Variants in CES4A observed in about 807,000 individuals in gnomAD.
CES4A encodes the protein carboxylesterase 6.
A neutral mutation model predicts 65.4 loss-of-function variants in CES4A; 48 were observed. The observed-to-expected ratio is 0.73, with a 90% CI of 0.58 to 0.93. CES4A has a LOEUF of 0.93. Among genes scored for constraint, CES4A ranks in the 40% least tolerant of loss-of-function variants. The pLI is 0.00. For missense variants in CES4A, 685 were observed against 728.5 expected (o/e 0.94, Z 0.69); for synonymous variants, 247 against 281.8 (o/e 0.88, Z 1.24).
Position 67,000,980 on chromosome 16 carries a change from G to A in CES4A, c.526G>A (p.Gly176Ser). The A allele has an allele frequency of 6.2e-7, 1 of 1,612,816 alleles. No homozygotes were observed. Among genetic ancestry groups the A allele is most frequent in the Non-Finnish European group, 8.5e-7 (1 of 1,179,544 alleles). Residue 176 changes from glycine to serine, a missense_variant, in exon 4 of 14, where the codon GGC becomes AGC. Gly to Ser is a moderately conservative substitution (Grantham distance 56). Transcript: ENST00000648724. The surrounding 1 kb of genome is among the most constrained non-coding windows in gnomAD (Gnocchi z 4.2). ...TCTGCAGCACAGGCTCGGCATCTTCGGCTTCCTGAGGTGGCGGGGCCGGTA... is the reference window on the plus strand; with the variant it reads ...TCTGCAGCACAGGCTCGGCATCTTCAGCTTCCTGAGGTGGCGGGGCCGGTA...
rs1965525641 is a variant in CES4A at position 67,003,655 on chromosome 16, T to C, written c.939+102T>C. 3 of 919,600 alleles carry C rather than the reference T, an allele frequency of 3.3e-6. No individual in the cohort carries two copies. The highest frequency in any genetic ancestry group is 3.5e-5 in the Admixed American group (2 of 57,746). The allele number at this position is 919,600 out of a possible 1,614,324, so 57.0% of individuals were successfully genotyped here. A position where few individuals can be genotyped will look rare whatever the true frequency, so the allele number is the denominator to read the frequency against. On this transcript the variant is annotated intron_variant, in intron 8 of 13. Transcript: ENST00000648724. The surrounding 1 kb of genome is among the most constrained non-coding windows in gnomAD (Gnocchi z 4.2). ...ATTGTTCAGGCCAAGATCCCTTCCC[T>C]AGTGGAGCTGATGTTCCAGTGGGGA...
At chr16:67,006,941 G>T (rs2145669528) in intron 13 of CES4A, 124 bp downstream of exon 13, 2 of 818,070 alleles carry the variant, frequency 2.4e-6, no homozygotes, top group East Asian at 2.6e-5. Context: ...CCCAAACAGG[G>T]TGCCCCTTCT....
chr16:67,002,088 C>T (rs910367663), intron 5 of CES4A, among the ~76,000 whole-genome samples: 80 of 152,210 alleles, frequency 5.3e-4, no homozygotes, highest in African/African-American at 1.9e-3. Context: ...GTACTGTTGT[C>T]TCCATTCTAC....
Position 67,003,012 on chromosome 16 carries a change from A to G in CES4A, c.691-58A>G. 1.4e-6 allele frequency: 2 copies of G among 1,444,348 alleles called. No homozygotes were observed. The highest frequency in any genetic ancestry group is 1.9e-6 in the Non-Finnish European group (2 of 1,025,760). 89.5% of individuals were successfully genotyped at this position (1,444,348 alleles called of 1,614,324 possible). On this transcript the variant is annotated intron_variant, in intron 5 of 13. Coordinates refer to ENST00000648724, the Ensembl canonical transcript of CES4A. This position sits in a 1 kb window ranked among gnomAD's most constrained non-coding sequence, Gnocchi z 4.2. ...GCCCATGGCCAGACAGATGCCCAGA[A>G]CAGCCCAGGTGTCTCTACTTGGGCA...
At chr16:67,004,209 T>C (rs373435616) in exon 9 of CES4A, 23 of 1,614,054 alleles carry the variant, frequency 1.4e-5, no homozygotes, top group Middle Eastern at 1.6e-4. Flanking sequence ...TGGAATTCAA[T>C]TGGCTCTTGC....
rs59252158 is a variant in CES4A, at chr16:66,994,216, TTTTATTTA to T, written c.59-1384_59-1377del. Among the ~76,000 whole-genome samples the T allele has an allele frequency of 1.1e-3, 164 of 144,194 alleles. 1 individual carries two copies. The highest frequency in any genetic ancestry group is 5.1e-3 in the South Asian group (23 of 4,482). 94.6% of individuals were successfully genotyped at this position (144,194 alleles called of 152,430 possible). ...AATAGCCCATATAATAGACATAAATTTTTATTTATTTATTTATTTATTTATTTATTTAT... is the reference window on the plus strand; with the variant it reads ...AATAGCCCATATAATAGACATAAATTTTTATTTATTTATTTATTTATTTAT... On this transcript the variant is annotated intron_variant, in intron 1 of 13. Coordinates refer to ENST00000648724, the Ensembl canonical transcript of CES4A.
chr16:67,004,339 C>T, intron 9 of CES4A, 115 bp downstream of exon 9: 2 of 1,146,556 alleles, frequency 1.7e-6, no homozygotes, highest in Admixed American at 3.8e-5. Context: ...CCAGTAGCCC[C>T]TCTGTGGATG....
chr16:66,988,680 T>C (rs1424299090), exon 1 of CES4A: 2 of 1,544,852 alleles, frequency 1.3e-6, no homozygotes. Context: ...AAAAGTGTGC[T>C]CACACACTGT....
At chr16:67,002,980 G>A (rs1965470773) in intron 5 of CES4A, 90 bp from the exon 6 acceptor site, 1 of 1,108,128 alleles carries the variant, frequency 9.0e-7, no homozygotes, top group African/African-American at 1.5e-5. Context: ...CTTCACTCAG[G>A]CTGCCTGCCC....
rs191109887 is a variant in CES4A at position 66,992,142 on chromosome 16, G to T, written c.58+3312G>T. Among the ~76,000 whole-genome samples, 369 of 152,330 alleles carry T rather than the reference G, an allele frequency of 2.4e-3. 4 individuals are homozygous for T. The highest frequency in any genetic ancestry group is 7.2e-3 in the South Asian group (35 of 4,830). On this transcript the variant is annotated intron_variant, in intron 1 of 13. Transcript: ENST00000648724. Reference sequence around the variant, plus strand: ...CTGTGTCCTGTGAGACTGCAGGCTGGTCACGGCCCCCCTCTGGGTCTTTGG... The same window carrying T: ...CTGTGTCCTGTGAGACTGCAGGCTGTTCACGGCCCCCCTCTGGGTCTTTGG...
chr16:67,001,115 TGGCGCTCGGTGGAAGGGGCG>T lies in CES4A; in HGVS notation c.536+133_536+152del, dbSNP rs1253843267. 3 of 1,283,042 alleles carry T rather than the reference TGGCGCTCGGTGGAAGGGGCG, an allele frequency of 2.3e-6. No homozygotes were observed. The highest frequency in any genetic ancestry group is 3.1e-5 in the African/African-American group (2 of 64,254). The allele number at this position is 1,283,042 out of a possible 1,614,324, so 79.5% of individuals were successfully genotyped here. ...GGGGCCGCGAGGCGGGGGCGGGGCC[TGGCGCTCGGTGGAAGGGGCG>T]GGCGCTCCATACCATCTGGATGGGG... On this transcript the variant is annotated intron_variant, in intron 4 of 13. Transcript: ENST00000648724. This position sits in a 1 kb window ranked among gnomAD's most constrained non-coding sequence, Gnocchi z 4.1.
rs1298312425 is a variant in CES4A at position 67,000,678 on chromosome 16, G to C, written c.301G>C (p.Val101Leu). The C allele has an allele frequency of 6.4e-7, 1 of 1,550,552 alleles. No individual in the cohort carries two copies. Among genetic ancestry groups the C allele is most frequent in the East Asian group, 2.4e-5 (1 of 41,002 alleles). ...CTGGGGCCAGCTGGCCTCGATGTAC[G>C]TCAGCACGCGGGAACGGTACAAGTG... is the stretch of plus-strand genomic sequence containing the variant. Residue 101 changes from valine (V) to leucine (L), a missense_variant, in exon 3 of 14, where the codon GTC becomes CTC. Coordinates refer to ENST00000648724, the Ensembl canonical transcript of CES4A. This position sits in a 1 kb window ranked among gnomAD's most constrained non-coding sequence, Gnocchi z 4.2.
rs1567584683 is a variant in CES4A at position 67,003,227 on chromosome 16, C to T, written c.796-29C>T. ...AGCATGGAAGGGCAGGATGGAAGCA[C>T]CACTGAGCATCCTTTCTTCTCTCTA... On this transcript the variant is annotated intron_variant, in intron 6 of 13. Transcript: ENST00000648724. The surrounding 1 kb of genome is among the most constrained non-coding windows in gnomAD (Gnocchi z 4.2). 3 of 1,612,124 alleles carry T rather than the reference C, an allele frequency of 1.9e-6. No homozygotes were observed. Among genetic ancestry groups the T allele is most frequent in the Admixed American group, 1.7e-5 (1 of 60,004 alleles).
intron 1 of CES4A, among the ~76,000 whole-genome samples, chr16:66,990,923 T>G (rs1279045581): frequency 1.3e-5 from 2 of 152,194 alleles, no homozygotes; most frequent in Non-Finnish European, 2.9e-5. Flanking sequence ...GGTCTTTGTT[T>G]TCATGTGTTT....
In CES4A at chr16:66,990,992, ACTTTTCTTTT is replaced by A. The variant is rs529820370; in HGVS notation, c.58+2183_58+2192del. 1.9e-3 allele frequency among the ~76,000 whole-genome samples: 296 copies of A among 151,892 alleles called. 1 individual carries two copies. Among genetic ancestry groups the A allele is most frequent in the African/African-American group, 6.2e-3 (257 of 41,454 alleles). ...GGAATTACTGAGTGAAGGCATGTGA[ACTTTTCTTTT>A]CTTTTCTTTTCTTTTCTTTTTTGGT... is the stretch of plus-strand genomic sequence containing the variant. On this transcript the variant is annotated intron_variant, in intron 1 of 13. Coordinates refer to ENST00000648724, the Ensembl canonical transcript of CES4A.
Position 67,003,292 on chromosome 16 carries a change from A to C in CES4A, c.832A>C (p.Thr278Pro). The C allele has an allele frequency of 6.2e-7, 1 of 1,614,196 alleles. No homozygotes were observed. Among genetic ancestry groups the C allele is most frequent in the African/African-American group, 1.3e-5 (1 of 75,062 alleles). ...CCTGGCTGGATGCAACCACAACAGCACACAGATCCTGGTAAACTGCCTGAG... is the reference window on the plus strand; with the variant it reads ...CCTGGCTGGATGCAACCACAACAGCCCACAGATCCTGGTAAACTGCCTGAG... The change falls in exon 7 of 14, where the codon ACA becomes CCA. Residue 278 changes from threonine to proline, a missense_variant. Coordinates refer to ENST00000648724, the Ensembl canonical transcript of CES4A. The surrounding 1 kb of genome is among the most constrained non-coding windows in gnomAD (Gnocchi z 4.2).
chr16:67,005,068 C>A, intron 10 of CES4A, 172 bp from the exon 11 acceptor site: 2 of 792,654 alleles, frequency 2.5e-6, no homozygotes, highest in Non-Finnish European at 4.2e-6. Flanking sequence ...AGTTATGCAG[C>A]AAAATCAGGG....
chr16:67,005,661 A>C, intron 11 of CES4A: 1 of 369,320 alleles, frequency 2.7e-6, no homozygotes, highest in Non-Finnish European at 4.9e-6. Context: ...AGCCTCACCA[A>C]CATGGTGAAA....
At chr16:66,998,227 A>G (rs530376815) in intron 2 of CES4A, among the ~76,000 whole-genome samples, 17 of 152,206 alleles carry the variant, frequency 1.1e-4, no homozygotes, top group African/African-American at 3.9e-4. Flanking sequence ...AGGAGGAACC[A>G]CCAATGAGGT....
Sources: gnomAD v4.1 joint callset for allele counts (sites outside exome capture counted in the v4.1 genomes callset) on GRCh38, gnomAD v4.1.1 for gene constraint, Gnocchi (gnomAD v3.1) non-coding constraint, MANE v1.5 for transcripts, NCBI Gene and HGNC (gene_info 2026-07-23, HGNC 2026-07-21) for gene names.